The following GAS7 variants were observed in gnomAD, a reference collection of about 807,000 sequenced individuals.
GAS7 encodes the protein growth arrest-specific protein 7.
A neutral mutation model predicts 71.1 loss-of-function variants in GAS7; 28 were observed. That is an observed-to-expected ratio of 0.39 (90% CI 0.29 to 0.54). The LOEUF (loss-of-function observed/expected upper bound fraction) is 0.54, where lower values mean the gene tolerates loss of function less well. Among genes scored for constraint, GAS7 ranks in the 20% least tolerant of loss-of-function variants. The pLI, the probability that GAS7 is intolerant of heterozygous loss-of-function variation, is 0.62. For missense variants in GAS7, 436 were observed against 627.8 expected, an observed-to-expected ratio of 0.69 and a Z score of 3.27; for synonymous variants, 258 against 245.8, an observed-to-expected ratio of 1.05 and a Z score of -0.46.
At chr17:10,032,649 C>A (rs1301899175) in intron 1 of GAS7, among the ~76,000 whole-genome samples, 1 of 152,184 alleles carries the variant, frequency 6.6e-6, no homozygotes, top group Non-Finnish European at 1.5e-5. Context: ...AGTTAAATGT[C>A]CAGCTCAGCT....
intron 1 of GAS7, among the ~76,000 whole-genome samples, chr17:10,135,728 C>T (rs912598412): frequency 6.6e-6 from 1 of 152,114 alleles, no homozygotes; most frequent in African/African-American, 2.4e-5. Context: ...CTTATGAGAC[C>T]CACTGCAGAC....
chr17:9,926,921 T>C lies in GAS7; in HGVS notation c.886-152A>G. The stretch of plus-strand genomic sequence containing the variant: ...TGGCAGGAAGGTGAGAGACACCCCC[T>C]GACACGTGGCTGCCTATCAGGTCTC... On this transcript the variant is annotated intron_variant, in intron 9 of 13. Coordinates refer to ENST00000432992, the MANE Select transcript of GAS7 (RefSeq NM_201433.2). The surrounding 1 kb of genome is among the most constrained non-coding windows in gnomAD (Gnocchi z 5.0). The C allele has an allele frequency of 1.4e-6, 1 of 737,052 alleles. No individual in the cohort carries two copies. Among genetic ancestry groups the C allele is most frequent in the Non-Finnish European group, 2.3e-6 (1 of 430,902 alleles). The allele number at this position is 737,052 out of a possible 1,614,324, so 45.7% of individuals were successfully genotyped here.
intron 1 of GAS7, among the ~76,000 whole-genome samples, chr17:10,134,903 GCTCA>G (rs745623178): frequency 1.8e-4 from 27 of 151,716 alleles, no homozygotes; most frequent in Admixed American, 4.6e-4. Flanking sequence ...TACAATCTCG[GCTCA>G]CTGTCACCTC....
intron 3 of GAS7, among the ~76,000 whole-genome samples, chr17:9,980,004 G>C (rs537651127): frequency 6.6e-5 from 10 of 152,158 alleles, no homozygotes; most frequent in African/African-American, 2.4e-4. Context: ...TGTCTCCCTA[G>C]GAAATCCGTC....
intron 1 of GAS7, among the ~76,000 whole-genome samples, chr17:10,077,194 T>C (rs1168350517): frequency 6.6e-6 from 1 of 152,082 alleles, no homozygotes; most frequent in Non-Finnish European, 1.5e-5. Flanking sequence ...AACAAGGAGG[T>C]TGGAGGTGAT....
At chr17:9,924,805 G>A (rs12453071) in intron 11 of GAS7, 24,356 of 152,042 alleles carry the variant, frequency 0.16, 2,056 homozygotes, top group African/African-American at 0.22. Context: ...GGCAACATGC[G>A]TGTCCTCTCG....
At chr17:10,164,357 G>C (rs560714234) in intron 1 of GAS7, among the ~76,000 whole-genome samples, 1 of 150,718 alleles carries the variant, frequency 6.6e-6, no homozygotes, top group Non-Finnish European at 1.5e-5. Flanking sequence ...CAGGAGAATC[G>C]CTTGAACCCG....
chr17:10,092,714 G>T (rs1419316421), intron 1 of GAS7, among the ~76,000 whole-genome samples: 1 of 152,186 alleles, frequency 6.6e-6, no homozygotes, highest in Non-Finnish European at 1.5e-5. Flanking sequence ...AAGGTGTCAG[G>T]AGGGCCACGC....
chr17:9,967,133 G>A (rs996820589), intron 4 of GAS7, among the ~76,000 whole-genome samples: 2 of 149,864 alleles, frequency 1.3e-5, no homozygotes, highest in Non-Finnish European at 2.9e-5. Flanking sequence ...TCCAGAGCTC[G>A]CCTCTCCTGA....
chr17:10,047,045 T>C (rs1282126790), intron 1 of GAS7, among the ~76,000 whole-genome samples: 1 of 152,056 alleles, frequency 6.6e-6, no homozygotes, highest in Non-Finnish European at 1.5e-5. Context: ...ACCTGAACAC[T>C]GAGCAGCCAG....
chr17:10,046,817 GA>G (rs2072971829), intron 1 of GAS7, among the ~76,000 whole-genome samples: 1 of 115,860 alleles, frequency 8.6e-6, no homozygotes, highest in Non-Finnish European at 1.6e-5. Context: ...AGGAAGGAAG[GA>G]AGGAAGGAAG....
chr17:10,147,418 A>T (rs2074130122), intron 1 of GAS7, among the ~76,000 whole-genome samples: 1 of 152,236 alleles, frequency 6.6e-6, no homozygotes, highest in African/African-American at 2.4e-5. Flanking sequence ...AAATGCTCAG[A>T]CAACCTCAAT....
intron 2 of GAS7, among the ~76,000 whole-genome samples, chr17:9,991,767 AG>A (rs1394594174): frequency 6.6e-6 from 1 of 152,216 alleles, no homozygotes; most frequent in African/African-American, 2.4e-5. Context: ...AGGGCAAGGA[AG>A]GTTGACTGCA....
intron 1 of GAS7, among the ~76,000 whole-genome samples, chr17:10,047,315 C>T (rs147317010): frequency 9.2e-5 from 14 of 152,256 alleles, no homozygotes; most frequent in African/African-American, 3.1e-4. Context: ...CAGATAGTAA[C>T]GTGACAGTTC....
intron 1 of GAS7, among the ~76,000 whole-genome samples, chr17:10,133,459 A>G (rs2074014825): frequency 6.6e-6 from 1 of 152,072 alleles, no homozygotes; most frequent in African/African-American, 2.4e-5. Context: ...AATTGTATAT[A>G]TTTATGGTGT....
At position 9,911,998 on chromosome 17, in the gene GAS7, A is replaced by G. The variant is rs759061802; in HGVS notation, c.*5230T>C. The G allele has an allele frequency of 9.9e-5, 23 of 231,960 alleles. No individual in the cohort carries two copies. The highest frequency in any genetic ancestry group is 1.3e-4 in the Non-Finnish European group (15 of 117,336). 14.4% of individuals were successfully genotyped at this position (231,960 alleles called of 1,614,324 possible). ...CAGGTACAGGCCAGGCTGTGTGATC[A>G]CCAGCTAGGCAAGGCTCCAGCTGCG... On this transcript the variant is annotated 3_prime_UTR_variant, in exon 14 of 14. Transcript: ENST00000432992. The surrounding 1 kb of genome is among the most constrained non-coding windows in gnomAD (Gnocchi z 4.0).
At chr17:10,095,849 G>A (rs146618754) in intron 1 of GAS7, among the ~76,000 whole-genome samples, 13 of 150,360 alleles carry the variant, frequency 8.6e-5, no homozygotes, top group East Asian at 2.0e-4. Flanking sequence ...ACCTCTGCCC[G>A]TGTGCTCCAT....
At chr17:10,120,812 G>A (rs979198581) in intron 1 of GAS7, among the ~76,000 whole-genome samples, 42 of 152,312 alleles carry the variant, frequency 2.8e-4, no homozygotes, top group African/African-American at 9.9e-4. Context: ...GTGGGCAGCC[G>A]GGGGAGAGGA....
At chr17:10,003,634 T>C (rs2071357879) in intron 2 of GAS7, among the ~76,000 whole-genome samples, 1 of 152,210 alleles carries the variant, frequency 6.6e-6, no homozygotes, top group African/African-American at 2.4e-5. Context: ...CAGATAGGCA[T>C]TAACCACAGC....
Sources: allele counts gnomAD v4.1 joint callset (sites outside exome capture counted in the v4.1 genomes callset), GRCh38; gene constraint gnomAD v4.1.1; non-coding constraint Gnocchi (gnomAD v3.1); transcripts MANE v1.5; gene names NCBI Gene and HGNC (gene_info 2026-07-23, HGNC 2026-07-21).